The following CSGALNACT1 variants were observed in gnomAD, a reference collection of about 807,000 sequenced individuals.
The protein encoded by CSGALNACT1 is beta4GalNAcT-1.
Under a neutral mutation model 51.0 loss-of-function variants are expected in CSGALNACT1, and 52 were observed. That is an observed-to-expected ratio of 1.02 (90% confidence interval 0.82 to 1.29). The LOEUF (loss-of-function observed/expected upper bound fraction) is 1.29, where lower values mean the gene tolerates loss of function less well. Among genes scored for constraint, CSGALNACT1 ranks in the 50% most tolerant of loss-of-function variants. CSGALNACT1 has a pLI of 0.00. For synonymous variants in CSGALNACT1, 341 were observed against 254.4 expected (o/e 1.34, Z -3.24); for missense variants, 935 against 679.2 (o/e 1.38, Z -4.19).
At chr8:19,514,706 G>A (rs908161863) in intron 3 of CSGALNACT1, among the ~76,000 whole-genome samples, 1 of 149,562 alleles carries the variant, frequency 6.7e-6, no homozygotes, top group Non-Finnish European at 1.5e-5. Flanking sequence ...GGTGGCTCAT[G>A]CCTGTAGTCC....
At chr8:19,517,727 G>C (rs1482977822) in intron 3 of CSGALNACT1, among the ~76,000 whole-genome samples, 1 of 152,158 alleles carries the variant, frequency 6.6e-6, no homozygotes, top group Non-Finnish European at 1.5e-5. Context: ...AAAAACATCA[G>C]ATCTCCTGAG....
At chr8:19,686,347 T>A (rs1286999144), upstream of CSGALNACT1, among the ~76,000 whole-genome samples, 1 of 152,210 alleles carries the variant, frequency 6.6e-6, no homozygotes, top group Non-Finnish European at 1.5e-5. Flanking sequence ...ACTCTCACTT[T>A]ATCTATAGGA....
At chr8:19,431,528 A>G (rs1053170823) in intron 6 of CSGALNACT1, among the ~76,000 whole-genome samples, 5 of 151,836 alleles carry the variant, frequency 3.3e-5, no homozygotes, top group Non-Finnish European at 7.4e-5. Context: ...TGGTAATTGC[A>G]TATAATTCTT....
intron 1 of CSGALNACT1, among the ~76,000 whole-genome samples, chr8:19,635,785 T>G (rs1237225910): frequency 6.6e-6 from 1 of 152,174 alleles, no homozygotes; most frequent in Non-Finnish European, 1.5e-5. Flanking sequence ...TGGTGTGTAG[T>G]GGCGTGATCT....
At chr8:19,540,574 T>G (rs1272294381) in intron 3 of CSGALNACT1, among the ~76,000 whole-genome samples, 1 of 152,160 alleles carries the variant, frequency 6.6e-6, no homozygotes, top group Non-Finnish European at 1.5e-5. Flanking sequence ...AAAAGCAACA[T>G]AAGGAAAAAT....
At chr8:19,550,521 G>GT (rs576298626) in intron 3 of CSGALNACT1, among the ~76,000 whole-genome samples, 1 of 152,084 alleles carries the variant, frequency 6.6e-6, no homozygotes. Flanking sequence ...GGTTTTTGAA[G>GT]TTTTTTTCTT....
intron 7 of CSGALNACT1, among the ~76,000 whole-genome samples, chr8:19,419,949 T>C (rs1033761096): frequency 6.6e-6 from 1 of 152,202 alleles, no homozygotes; most frequent in Non-Finnish European, 1.5e-5. Context: ...GGACAGGTTT[T>C]CCCATGCTGT....
chr8:19,473,296 C>A (rs2153876883), intron 4 of CSGALNACT1, among the ~76,000 whole-genome samples: 1 of 152,238 alleles, frequency 6.6e-6, no homozygotes, highest in African/African-American at 2.4e-5. Context: ...TGCATAATAT[C>A]AACTGAAAAT....
At chr8:19,467,386 G>C (rs1314404670) in intron 4 of CSGALNACT1, among the ~76,000 whole-genome samples, 1 of 152,070 alleles carries the variant, frequency 6.6e-6, no homozygotes, top group Non-Finnish European at 1.5e-5. Flanking sequence ...CCCCCAAAGT[G>C]CTGGGATTAC....
intron 2 of CSGALNACT1, among the ~76,000 whole-genome samples, chr8:19,595,135 T>C (rs1378396131): frequency 7.2e-5 from 11 of 152,184 alleles, no homozygotes; most frequent in Non-Finnish European, 1.0e-4. Context: ...TAAATAAAAA[T>C]CGGCATTTTA....
intron 1 of CSGALNACT1, among the ~76,000 whole-genome samples, chr8:19,658,146 A>T (rs1312521055): frequency 6.7e-6 from 1 of 149,980 alleles, no homozygotes; most frequent in East Asian, 2.0e-4. Flanking sequence ...TTGGAAAGTG[A>T]TTAGGGCTAG....
chr8:19,636,438 G>A (rs182219125), intron 1 of CSGALNACT1, among the ~76,000 whole-genome samples: 33 of 152,244 alleles, frequency 2.2e-4, no homozygotes, highest in East Asian at 1.9e-3. Context: ...CTGTGTAAGC[G>A]ATACCAAAAT....
At chr8:19,432,832 T>C (rs1040541298) in intron 6 of CSGALNACT1, among the ~76,000 whole-genome samples, 1 of 152,186 alleles carries the variant, frequency 6.6e-6, no homozygotes, top group South Asian at 2.1e-4. Context: ...AGCATGTTTT[T>C]CATATACTTC....
chr8:19,672,632 A>G (rs904247790), intron 1 of CSGALNACT1, among the ~76,000 whole-genome samples: 1 of 152,246 alleles, frequency 6.6e-6, no homozygotes, highest in Non-Finnish European at 1.5e-5. Flanking sequence ...TATAGATGAC[A>G]TTTATATAAT....
chr8:19,479,044 A>T (rs989081703), intron 4 of CSGALNACT1, among the ~76,000 whole-genome samples: 11 of 152,258 alleles, frequency 7.2e-5, no homozygotes, highest in African/African-American at 2.7e-4. Flanking sequence ...ATGCAAAGTT[A>T]AAACACCAAA....
In CSGALNACT1 at chr8:19,418,636, T is replaced by C; in HGVS notation, c.1227+20A>G. 2 of 1,526,382 alleles carry C rather than the reference T, an allele frequency of 1.3e-6. No individual in the cohort carries two copies. Among genetic ancestry groups the C allele is most frequent in the East Asian group, 4.5e-5 (2 of 44,476 alleles). 94.6% of individuals were successfully genotyped at this position (1,526,382 alleles called of 1,614,324 possible). On this transcript the variant is annotated intron_variant, in intron 8 of 9. Coordinates refer to ENST00000454498, the Ensembl canonical transcript of CSGALNACT1. ...CACTAAACAGAGCCACACAGAGCCA[T>C]CTGCAGGGTAATTACTCACCAGCTG...
At chr8:19,422,968 T>C (rs1398534847) in intron 6 of CSGALNACT1, among the ~76,000 whole-genome samples, 4 of 152,224 alleles carry the variant, frequency 2.6e-5, no homozygotes, top group Non-Finnish European at 4.4e-5. Flanking sequence ...TCCTATCTTT[T>C]GGGACCTCTT....
At chr8:19,653,582 C>G (rs984881912) in intron 1 of CSGALNACT1, among the ~76,000 whole-genome samples, 2 of 152,052 alleles carry the variant, frequency 1.3e-5, no homozygotes, top group Non-Finnish European at 2.9e-5. Context: ...TCACTTGACC[C>G]CAGGAGTTAG....
intron 1 of CSGALNACT1, among the ~76,000 whole-genome samples, chr8:19,721,178 C>T (rs1325509236): frequency 3.9e-5 from 6 of 152,136 alleles, no homozygotes; most frequent in African/African-American, 1.4e-4. Flanking sequence ...AGATATCTGC[C>T]AGATTTTTCT....
Sources: allele counts gnomAD v4.1 joint callset (sites outside exome capture counted in the v4.1 genomes callset), GRCh38; gene constraint gnomAD v4.1.1; transcripts MANE v1.5; gene names NCBI Gene and HGNC (gene_info 2026-07-23, HGNC 2026-07-21).